CCDC30: variants seen among roughly 807,000 people sequenced by gnomAD.
CCDC30 encodes coiled-coil domain containing 30.
In CCDC30, 70 loss-of-function variants were observed where a neutral mutation model predicts 100.2. The observed-to-expected ratio is 0.70, with a 90% CI of 0.58 to 0.85. The LOEUF (loss-of-function observed/expected upper bound fraction) is 0.85, where lower values mean the gene tolerates loss of function less well. Ranked by LOEUF, CCDC30 falls within the 40% of genes least tolerant of loss-of-function variation. The probability of loss-of-function intolerance (pLI) is 0.00; values close to 1 mark genes in which losing one functional copy is unlikely to be tolerated. For missense variants in CCDC30, 652 were observed against 771.2 expected (o/e 0.85, Z 1.83); for synonymous variants, 233 against 269.5 (o/e 0.86, Z 1.33).
At chr1:42,505,289 C>G (rs2148484554) in intron 6 of CCDC30, among the ~76,000 whole-genome samples, 1 of 152,182 alleles carries the variant, frequency 6.6e-6, no homozygotes, top group South Asian at 2.1e-4. Flanking sequence ...CCAGAACTAT[C>G]TGGCCAATTA....
exon 11 of CCDC30, chr1:42,610,979 A>G: frequency 1.9e-6 from 3 of 1,557,752 alleles, no homozygotes; most frequent in Non-Finnish European, 2.7e-6. Context: ...GTTTTTCAGC[A>G]TGTCAAAAGC....
At chr1:42,642,337 G>A (rs546248058) in intron 12 of CCDC30, 136 bp from the exon 17 acceptor site, 105 of 634,026 alleles carry the variant, frequency 1.7e-4, no homozygotes, top group Non-Finnish European at 2.4e-4. Flanking sequence ...TCAGCAAACA[G>A]ATAGAAACAG....
At chr1:42,627,662 C>T (rs1471753365) in intron 11 of CCDC30, among the ~76,000 whole-genome samples, 4 of 152,164 alleles carry the variant, frequency 2.6e-5, no homozygotes, top group Non-Finnish European at 5.9e-5. Context: ...CCACTCCAGC[C>T]ATGGCTGAAA....
At chr1:42,544,336 G>A (rs920853387) in intron 6 of CCDC30, among the ~76,000 whole-genome samples, 2 of 152,158 alleles carry the variant, frequency 1.3e-5, no homozygotes, top group Admixed American at 1.3e-4. Flanking sequence ...CAAAAAGACT[G>A]AGCAAATGGT....
intron 6 of CCDC30, among the ~76,000 whole-genome samples, chr1:42,511,658 C>T (rs1644479217): frequency 6.6e-6 from 1 of 152,084 alleles, no homozygotes; most frequent in Non-Finnish European, 1.5e-5. Context: ...TTCCCATTTA[C>T]AGAAGGGGCA....
At chr1:42,642,377 A>T in intron 12 of CCDC30, 96 bp from the exon 17 acceptor site, 1 of 1,146,920 alleles carries the variant, frequency 8.7e-7, no homozygotes, top group African/African-American at 1.6e-5. Context: ...AAAGTAAATA[A>T]GGGAAAATTT....
chr1:42,585,310 G>A (rs1279662034), intron 9 of CCDC30, among the ~76,000 whole-genome samples: 1 of 152,170 alleles, frequency 6.6e-6, no homozygotes, highest in East Asian at 1.9e-4. Flanking sequence ...GTGTTGCCCA[G>A]GCTGGTCTCA....
intron 5 of CCDC30, among the ~76,000 whole-genome samples, chr1:42,497,677 T>C (rs1644250551): frequency 1.3e-5 from 2 of 152,204 alleles, no homozygotes; most frequent in Non-Finnish European, 2.9e-5. Context: ...AATAATCATA[T>C]ATCTAATATC....
intron 15 of CCDC30, among the ~76,000 whole-genome samples, chr1:42,646,662 G>T (rs970196666): frequency 3.9e-5 from 6 of 152,222 alleles, no homozygotes; most frequent in Admixed American, 3.9e-4. Flanking sequence ...CTGGGCATGA[G>T]CCCCTAGACA....
intron 7 of CCDC30, among the ~76,000 whole-genome samples, chr1:42,568,404 C>T (rs1019335892): frequency 9.9e-5 from 15 of 152,100 alleles, no homozygotes; most frequent in South Asian, 2.1e-4. Flanking sequence ...TGTGAGCCAC[C>T]GGGCACTGCC....
intron 6 of CCDC30, chr1:42,539,218 G>A (rs907388713): frequency 6.2e-7 from 1 of 1,608,606 alleles, no homozygotes. Flanking sequence ...TTATAATGAA[G>A]TTCACAATCT....
intron 3 of CCDC30, among the ~76,000 whole-genome samples, chr1:42,483,840 C>T (rs946249009): frequency 6.6e-6 from 1 of 151,858 alleles, no homozygotes; most frequent in Non-Finnish European, 1.5e-5. Context: ...GTGAATTATT[C>T]TTTATGCTTT....
intron 1 of CCDC30, among the ~76,000 whole-genome samples, chr1:42,466,535 TTTGTTG>T (rs943696066): frequency 6.7e-6 from 1 of 149,394 alleles, no homozygotes; most frequent in Non-Finnish European, 1.5e-5. Context: ...GAATAGTTTT[TTTGTTG>T]TTGTTGTTTT....
intron 15 of CCDC30, among the ~76,000 whole-genome samples, chr1:42,647,227 A>C (rs1647960623): frequency 6.6e-6 from 1 of 152,236 alleles, no homozygotes; most frequent in Non-Finnish European, 1.5e-5. Context: ...ACACACAGAG[A>C]CTGAAAAGGA....
chr1:42,573,701 T>A (rs531972546), intron 7 of CCDC30, among the ~76,000 whole-genome samples: 1 of 152,062 alleles, frequency 6.6e-6, no homozygotes, highest in African/African-American at 2.4e-5. Flanking sequence ...TTAGTATGTT[T>A]TTATAGCTTT....
rs186893350 is a variant in CCDC30, at chr1:42,545,997, G to C, written c.457-20299G>C. ...TAATATTCATTTCCAAATTATGTGA[G>C]TGGAAAAATTAGTTATAAGCATTCT... is the stretch of plus-strand genomic sequence containing the variant. On this transcript the variant is annotated intron_variant, in intron 6 of 16. Transcript: ENST00000668663. Among the ~76,000 whole-genome samples the C allele has an allele frequency of 3.0e-3, 462 of 151,554 alleles. 3 individuals are homozygous for C. The highest frequency in any genetic ancestry group is 0.011 in the African/African-American group (443 of 41,318).
upstream of CCDC30, chr1:42,459,155 CTT>C (rs11316113): frequency 8.1e-4 from 75 of 92,732 alleles, 1 homozygote; most frequent in East Asian, 3.0e-3. Context: ...AGAGCCAAGG[CTT>C]TTTTTTTTTT....
chr1:42,652,733 T>A (rs1033663635), intron 15 of CCDC30, among the ~76,000 whole-genome samples: 2 of 152,166 alleles, frequency 1.3e-5, no homozygotes, highest in Non-Finnish European at 2.9e-5. Flanking sequence ...TACTCTAACA[T>A]AATGAAGCTT....
upstream of CCDC30, chr1:42,463,219 C>T (rs2783374): frequency 0.98 from 149,251 of 152,332 alleles, 73,184 homozygotes; most frequent in East Asian, 1. Context: ...TCTGGTTCCA[C>T]TGGCGTGCGT....
Sources: gnomAD v4.1 joint callset for allele counts (sites outside exome capture counted in the v4.1 genomes callset) on GRCh38, gnomAD v4.1.1 for gene constraint, MANE v1.5 for transcripts, NCBI Gene and HGNC (gene_info 2026-07-23, HGNC 2026-07-21) for gene names.